The following SERPINA11 variants were observed in gnomAD, a reference collection of about 807,000 sequenced individuals.
SERPINA11 encodes serpin A11.
In SERPINA11, 28 loss-of-function variants were observed where a neutral mutation model predicts 29.4. The ratio of observed to expected loss-of-function variants is 0.95; its 90% confidence interval spans 0.70 to 1.30. The LOEUF (loss-of-function observed/expected upper bound fraction) is 1.30, where lower values mean the gene tolerates loss of function less well. Among genes scored for constraint, SERPINA11 ranks in the 50% most tolerant of loss-of-function variants. The probability of loss-of-function intolerance (pLI) is 0.00; values close to 1 mark genes in which losing one functional copy is unlikely to be tolerated. For synonymous variants in SERPINA11, 253 were observed against 206.6 expected (o/e 1.22, Z -1.92); for missense variants, 530 against 507.3 (o/e 1.04, Z -0.43).
intron 3 of SERPINA11, among the ~76,000 whole-genome samples, chr14:94,445,631 C>T (rs1178793431): frequency 6.6e-6 from 1 of 152,152 alleles, no homozygotes; most frequent in Non-Finnish European, 1.5e-5. Flanking sequence ...TGCAGTGGCA[C>T]AATCATAGCT....
intron 1 of SERPINA11, among the ~76,000 whole-genome samples, chr14:94,449,489 C>CTT (rs1443574592): frequency 0.051 from 4,774 of 92,852 alleles, 904 homozygotes; most frequent in African/African-American, 0.25. Flanking sequence ...TTCTGTCTGT[C>CTT]TGTCTTTCTT....
intron 1 of SERPINA11, among the ~76,000 whole-genome samples, chr14:94,451,616 G>A (rs1898587953): frequency 6.6e-6 from 1 of 152,206 alleles, no homozygotes; most frequent in African/African-American, 2.4e-5. Flanking sequence ...ATTTCCCAAA[G>A]GGGATTCAAT....
At chr14:94,449,459 TTCTTTCTTTCTTTCTTTCTTTCTGTCTG>T (rs1566784700) in intron 1 of SERPINA11, among the ~76,000 whole-genome samples, 9 of 97,354 alleles carry the variant, frequency 9.2e-5, no homozygotes, top group East Asian at 4.6e-4. Context: ...CTTTCTTTCT[TTCTTTCTTTCTTTCTTTCTTTCTGTCTG>T]TCTGTCTTTC....
chr14:94,452,092 T>C (rs1409206034), intron 1 of SERPINA11, among the ~76,000 whole-genome samples: 1 of 152,124 alleles, frequency 6.6e-6, no homozygotes, highest in Non-Finnish European at 1.5e-5. Flanking sequence ...TGGAGTTTAG[T>C]TGGGGAACAG....
chr14:94,444,991 C>T (rs1205734903), intron 3 of SERPINA11, among the ~76,000 whole-genome samples: 1 of 152,196 alleles, frequency 6.6e-6, no homozygotes, highest in African/African-American at 2.4e-5. Flanking sequence ...CATTTCCTGC[C>T]TTTGAAATAT....
At position 94,443,108 on chromosome 14, in the gene SERPINA11, G is replaced by A; in HGVS notation, c.1035C>T (p.Val345=). The part of the protein sequence containing the change: ...ILNLEADFSG[V]TGQLNKTISK... Reference sequence around the variant, plus strand: ...AGATGGTTTTGTTGAGCTGCCCAGTGACTCCTGAGAAGTCAGCTTCTAAGT... The same window carrying A: ...AGATGGTTTTGTTGAGCTGCCCAGTAACTCCTGAGAAGTCAGCTTCTAAGT... The change falls in exon 4 of 5, where the codon GTC becomes GTT. Residue 345 remains valine, a synonymous_variant. Transcript: ENST00000334708. 1.2e-6 allele frequency: 2 copies of A among 1,613,636 alleles called. No homozygotes were observed. Among genetic ancestry groups the A allele is most frequent in the Non-Finnish European group, 1.7e-6 (2 of 1,179,834 alleles).
At chr14:94,450,631 A>G (rs1426940501) in intron 1 of SERPINA11, among the ~76,000 whole-genome samples, 2 of 152,194 alleles carry the variant, frequency 1.3e-5, no homozygotes. Flanking sequence ...GCTGCCTGGC[A>G]TGTAGTATTT....
rs779840165 is a variant in SERPINA11, at chr14:94,443,134, T to G, written c.1009A>C (p.Asn337His). ...ACTCCTGAGAAGTCAGCTTCTAAGT[T>G]GAGTATGTTGGTGAGACCAATTTGG... ...LPQIGLTNIL[N>H]LEADFSGVTG... is the part of the protein sequence containing the mutation. The change falls in exon 4 of 5, where the codon AAC (asparagine) becomes CAC (histidine). Residue 337 changes from asparagine (N) to histidine (H), a missense_variant. Coordinates refer to ENST00000334708, the MANE Select transcript of SERPINA11 (RefSeq NM_001080451.2). 2.0e-5 allele frequency: 32 copies of G among 1,613,816 alleles called. No individual in the cohort carries two copies. The highest frequency in any genetic ancestry group is 2.7e-5 in the Non-Finnish European group (32 of 1,179,756).
chr14:94,442,718 G>A lies in SERPINA11; in HGVS notation c.1157C>T (p.Thr386Ile). The A allele has an allele frequency of 6.2e-7, 1 of 1,613,760 alleles. No individual in the cohort carries two copies. The highest frequency in any genetic ancestry group is 1.1e-5 in the South Asian group (1 of 90,986). Residue 386 changes from threonine to isoleucine, a missense_variant, in exon 5 of 5, where the codon ACC (threonine) becomes ATC (isoleucine). Coordinates refer to ENST00000334708, the MANE Select transcript of SERPINA11 (RefSeq NM_001080451.2). ...GAAGTGGGCATGTGGGTCTGACATGGTGTTCAGAGATGGGGGCTGGGAGAG... is the reference window on the plus strand; with the variant it reads ...GAAGTGGGCATGTGGGTCTGACATGATGTTCAGAGATGGGGGCTGGGAGAG... ...GLLSQPPSLN[T>I]MSDPHAHFNR...
Position 94,449,402 on chromosome 14 carries a change from TTCTA to T in SERPINA11, c.-3-629_-3-626del, listed in dbSNP as rs201025727. 4.3e-3 allele frequency among the ~76,000 whole-genome samples: 134 copies of T among 31,434 alleles called. 9 individuals carry two copies. The highest frequency in any genetic ancestry group is 0.014 in the African/African-American group (128 of 9,198). 20.6% of individuals were successfully genotyped at this position (31,434 alleles called of 152,430 possible). A position where few individuals can be genotyped will look rare whatever the true frequency, so the allele number is the denominator to read the frequency against. Reference sequence around the variant, plus strand: ...CTAGCCTCCCTCCCTCTTTCTTTCTTTCTATTCTTTCTTTCTTTCTTTCTTTCTT... The same window carrying T: ...CTAGCCTCCCTCCCTCTTTCTTTCTTTTCTTTCTTTCTTTCTTTCTTTCTT... On this transcript the variant is annotated intron_variant, in intron 1 of 4. Coordinates refer to ENST00000334708, the MANE Select transcript of SERPINA11 (RefSeq NM_001080451.2).
chr14:94,443,922 G>A (rs1898388067), intron 3 of SERPINA11, among the ~76,000 whole-genome samples: 1 of 152,106 alleles, frequency 6.6e-6, no homozygotes, highest in Non-Finnish European at 1.5e-5. Flanking sequence ...TTCTCTCTGG[G>A]GTTATTCTTC....
chr14:94,442,832 G>A, intron 4 of SERPINA11, 23 bp from the exon 5 acceptor site: 2 of 1,570,718 alleles, frequency 1.3e-6, no homozygotes, highest in Non-Finnish European at 1.7e-6. Flanking sequence ...AGGAGATGAA[G>A]ACAGCATCAG....
rs115771804 is a variant in SERPINA11 at position 94,446,367 on chromosome 14, T to C, written c.881A>G (p.Gln294Arg). The C allele has an allele frequency of 7.9e-4, 1,274 of 1,613,940 alleles. 22 individuals carry two copies. The African/African-American group carries it at 0.014, about 18-fold the overall frequency. ...MKQVEAALQP[Q>R]TLRKWGQLLL... ...CAATTGGCCCCATTTTCTCAGGGTC[T>C]GTGGCTGCAGAGCAGCCTCCACCTG... Residue 294 changes from glutamine (Q) to arginine (R), a missense_variant, in exon 3 of 5, where the codon CAG becomes CGG. Transcript: ENST00000334708.
chr14:94,443,894 C>T (rs1898387367), intron 3 of SERPINA11, among the ~76,000 whole-genome samples: 2 of 152,178 alleles, frequency 1.3e-5, no homozygotes, highest in Non-Finnish European at 2.9e-5. Context: ...TTCTTTGGAT[C>T]CACAGCAAAT....
chr14:94,443,298 G>T, intron 3 of SERPINA11, 73 bp from the exon 4 acceptor site: 1 of 1,454,888 alleles, frequency 6.9e-7, no homozygotes, highest in Non-Finnish European at 9.4e-7. Flanking sequence ...TCTGTCGGCA[G>T]CCTGAGCCAT....
Position 94,451,770 on chromosome 14 carries a change from A to T in SERPINA11, c.-4+959T>A, listed in dbSNP as rs1898590957. Among the ~76,000 whole-genome samples, 2 of 152,148 alleles carry T rather than the reference A, an allele frequency of 1.3e-5. 1 individual carries two copies. Among genetic ancestry groups the T allele is most frequent in the South Asian group, 4.1e-4 (2 of 4,828 alleles). ...CTCCTGGGTGTGGGGCCATTTCGGG[A>T]TTATATGACAGTCAAAGTACAAAGC... On this transcript the variant is annotated intron_variant, in intron 1 of 4. Coordinates refer to ENST00000334708, the MANE Select transcript of SERPINA11 (RefSeq NM_001080451.2).
chr14:94,446,204 CAGTT>C, intron 3 of SERPINA11, 123 bp downstream of exon 3: 1 of 917,714 alleles, frequency 1.1e-6, no homozygotes, highest in Admixed American at 2.3e-5. Flanking sequence ...CAAGATCACA[CAGTT>C]AGTAAAGGAC....
intron 1 of SERPINA11, among the ~76,000 whole-genome samples, chr14:94,449,395 TCTTTCTTTCTATTC>T (rs139527056): frequency 0.084 from 6,845 of 81,286 alleles, 479 homozygotes; most frequent in East Asian, 0.11. Flanking sequence ...CCTCCCTCTT[TCTTTCTTTCTATTC>T]TTTCTTTCTT....
At chr14:94,444,457 A>G (rs1457874855) in intron 3 of SERPINA11, among the ~76,000 whole-genome samples, 3 of 152,130 alleles carry the variant, frequency 2.0e-5, no homozygotes, top group Non-Finnish European at 4.4e-5. Context: ...TAGAATGTCA[A>G]AGTGGGAAGA....
Sources: allele counts gnomAD v4.1 joint callset (sites outside exome capture counted in the v4.1 genomes callset), GRCh38; gene constraint gnomAD v4.1.1; transcripts MANE v1.5; gene names NCBI Gene and HGNC (gene_info 2026-07-23, HGNC 2026-07-21).